Variants in CELF4 observed in about 807,000 individuals in gnomAD.
The protein encoded by CELF4 is CUG-BP- and ETR-3-like factor 4.
CELF4 carries 18 observed loss-of-function variants against 59.9 expected under a neutral mutation model. The observed-to-expected ratio is 0.30, with a 90% CI of 0.21 to 0.45. The LOEUF is 0.45. Ranked by LOEUF, CELF4 falls within the 20% of genes least tolerant of loss-of-function variation. The probability of loss-of-function intolerance (pLI) is 1.00; values close to 1 mark genes in which losing one functional copy is unlikely to be tolerated. For synonymous variants in CELF4, 261 were observed against 267.1 expected (o/e 0.98, Z 0.22); for missense variants, 456 against 689.0 (o/e 0.66, Z 3.79).
At chr18:37,439,801 AG>A (rs1421767281) in intron 2 of CELF4, among the ~76,000 whole-genome samples, 5 of 152,196 alleles carry the variant, frequency 3.3e-5, no homozygotes, top group African/African-American at 1.2e-4. Context: ...TAGGGTGGGC[AG>A]GGGCTAGTGT....
chr18:37,286,979 G>A (rs895574847), intron 3 of CELF4, among the ~76,000 whole-genome samples: 2 of 152,190 alleles, frequency 1.3e-5, no homozygotes, highest in Non-Finnish European at 2.9e-5. Flanking sequence ...GTCCTGCCCT[G>A]TAGCACCAGC....
Position 37,321,847 on chromosome 18 carries a change from C to G in CELF4, c.404G>C (p.Ser135Thr). 6.2e-7 allele frequency: 1 copy of G among 1,613,558 alleles called. No individual in the cohort carries two copies. The highest frequency in any genetic ancestry group is 8.5e-7 in the Non-Finnish European group (1 of 1,179,726). Residue 135 changes from serine (S) to threonine (T), a missense_variant, in exon 3 of 13, where the codon AGC becomes ACC. By Grantham distance (58) the Ser-to-Thr change is moderately conservative. Transcript: ENST00000420428. ...NRPIQVKPAD[S>T]ESRGGSSCLR... Reference sequence around the variant, plus strand: ...GCAGCTACTACCTCCTCGGCTCTCGCTGTCCGCAGGCTTCACCTGGATCGG... The same window carrying G: ...GCAGCTACTACCTCCTCGGCTCTCGGTGTCCGCAGGCTTCACCTGGATCGG...
At chr18:37,242,864 G>A (rs2060758679), downstream of CELF4, among the ~76,000 whole-genome samples, 1 of 152,116 alleles carries the variant, frequency 6.6e-6, no homozygotes, top group Non-Finnish European at 1.5e-5. Context: ...AGTGGAACAG[G>A]ACCTCCTTTT....
At chr18:37,302,792 G>A (rs2096145155) in intron 3 of CELF4, among the ~76,000 whole-genome samples, 1 of 152,180 alleles carries the variant, frequency 6.6e-6, no homozygotes, top group Non-Finnish European at 1.5e-5. Flanking sequence ...AGGAGGCAGA[G>A]GGTGGTGCGG....
At chr18:37,549,564 A>C (rs2099982501) in intron 1 of CELF4, among the ~76,000 whole-genome samples, 1 of 152,114 alleles carries the variant, frequency 6.6e-6, no homozygotes, top group Non-Finnish European at 1.5e-5. Flanking sequence ...TCCTGGCAGG[A>C]TTTGACTAGG....
chr18:37,532,775 T>C (rs1296418832), intron 1 of CELF4, among the ~76,000 whole-genome samples: 1 of 152,240 alleles, frequency 6.6e-6, no homozygotes, highest in Non-Finnish European at 1.5e-5. Context: ...TAATAATTCC[T>C]GCACTTATAA....
chr18:37,273,125 C>T lies in CELF4; in HGVS notation c.840G>A (p.Ala280=), dbSNP rs372009828. The T allele has an allele frequency of 7.4e-6, 12 of 1,613,310 alleles. No individual in the cohort carries two copies. The highest frequency in any genetic ancestry group is 6.7e-5 in the Admixed American group (4 of 60,004). ...CCATGGGGTTCAGGTAGCCGCCCTGCGCGACTGATGCCATCAGGGCCGCTT... is the reference window on the plus strand; with the variant it reads ...CCATGGGGTTCAGGTAGCCGCCCTGTGCGACTGATGCCATCAGGGCCGCTT... The part of the protein sequence containing the change: ...QQQAALMASV[A]QGGYLNPMAA... The change falls in exon 7 of 13, where the codon GCG becomes GCA. Residue 280 remains alanine (A), a synonymous_variant. Transcript: ENST00000420428.
At chr18:37,344,694 C>T (rs2098184936) in intron 2 of CELF4, among the ~76,000 whole-genome samples, 2 of 152,222 alleles carry the variant, frequency 1.3e-5, no homozygotes, top group South Asian at 2.1e-4. Flanking sequence ...TATCCATGCA[C>T]TAACCCCATG....
chr18:37,357,279 G>C (rs1488228969), intron 2 of CELF4, among the ~76,000 whole-genome samples: 1 of 152,174 alleles, frequency 6.6e-6, no homozygotes, highest in Non-Finnish European at 1.5e-5. Flanking sequence ...TCCCCACCCT[G>C]CATCCTAGCT....
intron 2 of CELF4, among the ~76,000 whole-genome samples, chr18:37,393,856 C>CT (rs397959278): frequency 0.13 from 17,546 of 131,042 alleles, 1,215 homozygotes; most frequent in African/African-American, 0.19. Context: ...CTTTACGCGG[C>CT]TTTTTTTTTT....
At chr18:37,552,877 G>A (rs2099983667) in intron 1 of CELF4, among the ~76,000 whole-genome samples, 1 of 152,216 alleles carries the variant, frequency 6.6e-6, no homozygotes, top group Non-Finnish European at 1.5e-5. Flanking sequence ...CAGCCCTTCA[G>A]GAGTGTGATC....
At chr18:37,397,794 A>G (rs923029059) in intron 2 of CELF4, among the ~76,000 whole-genome samples, 1 of 152,172 alleles carries the variant, frequency 6.6e-6, no homozygotes, top group Non-Finnish European at 1.5e-5. Flanking sequence ...GCTGGGGTAG[A>G]GTGGAGCTGG....
At position 37,273,197 on chromosome 18, in the gene CELF4, C is replaced by T. The variant is rs1292032295; in HGVS notation, c.802-34G>A. ...GAGGGAGTGGAAAAAATATCACGTGCTTCCAGGGGGCATCCCTCCCCGACA... is the reference window on the plus strand; with the variant it reads ...GAGGGAGTGGAAAAAATATCACGTGTTTCCAGGGGGCATCCCTCCCCGACA... On this transcript the variant is annotated intron_variant, in intron 6 of 12. Transcript: ENST00000420428. 3 of 1,590,892 alleles carry T rather than the reference C, an allele frequency of 1.9e-6. No individual in the cohort carries two copies. The Admixed American group carries it at 5.0e-5, about 27-fold the overall frequency.
intron 3 of CELF4, among the ~76,000 whole-genome samples, chr18:37,295,273 T>C (rs2095574716): frequency 6.6e-6 from 1 of 152,226 alleles, no homozygotes; most frequent in Admixed American, 6.5e-5. Context: ...AAAGATGTCA[T>C]CCAGTGGTCA....
At chr18:37,420,095 G>A (rs557363834) in intron 2 of CELF4, among the ~76,000 whole-genome samples, 181 of 152,344 alleles carry the variant, frequency 1.2e-3, no homozygotes, top group African/African-American at 4.2e-3. Flanking sequence ...GGCCATCCAA[G>A]CCCTGGCCTA....
chr18:37,495,783 C>G (rs2099924485), intron 1 of CELF4, among the ~76,000 whole-genome samples: 1 of 151,972 alleles, frequency 6.6e-6, no homozygotes, highest in African/African-American at 2.4e-5. Flanking sequence ...ATCCCCAGGC[C>G]TGAAGCACTC....
At chr18:37,321,713 CG>C in intron 3 of CELF4, 89 bp downstream of exon 3, 3 of 902,168 alleles carry the variant, frequency 3.3e-6, no homozygotes, top group East Asian at 5.1e-5. Context: ...GAGGAGGAGG[CG>C]GGGAGTCGCT....
intron 2 of CELF4, among the ~76,000 whole-genome samples, chr18:37,343,121 C>T (rs1399157868): frequency 4.6e-5 from 7 of 152,206 alleles, no homozygotes; most frequent in Non-Finnish European, 8.8e-5. Context: ...CCTCTGGAAA[C>T]ACAGGGAAGC....
In CELF4 at chr18:37,542,236, T is replaced by C. The variant is rs1167019242; in HGVS notation, c.286+23120A>G. Among the ~76,000 whole-genome samples the C allele has an allele frequency of 1.3e-5, 2 of 152,234 alleles. 1 individual carries two copies. The highest frequency in any genetic ancestry group is 1.3e-4 in the Admixed American group (2 of 15,292). On this transcript the variant is annotated intron_variant, in intron 1 of 12. Coordinates refer to ENST00000420428, the MANE Select transcript of CELF4 (RefSeq NM_020180.4). Reference sequence around the variant, plus strand: ...ATATAATTTTATTTACCAATGACTGTAATAAAGGTAAATGCTCCTTACTTA... The same window carrying C: ...ATATAATTTTATTTACCAATGACTGCAATAAAGGTAAATGCTCCTTACTTA...
Sources: gnomAD v4.1 joint callset for allele counts (sites outside exome capture counted in the v4.1 genomes callset) on GRCh38, gnomAD v4.1.1 for gene constraint, MANE v1.5 for transcripts, NCBI Gene and HGNC (gene_info 2026-07-23, HGNC 2026-07-21) for gene names.